Variants in AUTS2 observed in about 807,000 individuals in gnomAD.
AUTS2 encodes the protein activator of transcription and developmental regulator AUTS2.
In AUTS2, 17 loss-of-function variants were observed where a neutral mutation model predicts 112.4. The observed-to-expected ratio is 0.15, with a 90% confidence interval of 0.10 to 0.23. The LOEUF (loss-of-function observed/expected upper bound fraction) is 0.23, where lower values mean the gene tolerates loss of function less well. Ranked by LOEUF, AUTS2 falls within the 10% of genes least tolerant of loss-of-function variation. The pLI, the probability that AUTS2 is intolerant of heterozygous loss-of-function variation, is 1.00. For missense variants in AUTS2, 1,510 were observed against 1,701.6 expected (o/e 0.89, Z 1.98); for synonymous variants, 751 against 702.7 (o/e 1.07, Z -1.09).
intron 1 of AUTS2, among the ~76,000 whole-genome samples, chr7:69,751,031 T>G (rs747998483): frequency 2.6e-5 from 4 of 152,116 alleles, no homozygotes; most frequent in Non-Finnish European, 2.9e-5. Context: ...TTAGAAAAAT[T>G]GTACATCTTC....
intron 5 of AUTS2, among the ~76,000 whole-genome samples, chr7:70,517,658 C>A (rs1268597460): frequency 6.7e-6 from 1 of 149,784 alleles, no homozygotes; most frequent in African/African-American, 2.4e-5. Flanking sequence ...ATAATTTGCC[C>A]AGAAACAATT....
intron 4 of AUTS2, among the ~76,000 whole-genome samples, chr7:70,242,090 G>C (rs17672652): frequency 6.6e-6 from 1 of 152,110 alleles, no homozygotes; most frequent in South Asian, 2.1e-4. Context: ...GCCTTAGGGA[G>C]GGAAGTCTTA....
chr7:69,849,278 C>A (rs942814094), intron 1 of AUTS2, among the ~76,000 whole-genome samples: 2 of 152,160 alleles, frequency 1.3e-5, no homozygotes, highest in African/African-American at 4.8e-5. Context: ...TTTTTAAAAT[C>A]TATTACTTTA....
At chr7:69,723,511 T>G (rs961089117) in intron 1 of AUTS2, among the ~76,000 whole-genome samples, 15 of 152,136 alleles carry the variant, frequency 9.9e-5, no homozygotes, top group African/African-American at 3.1e-4. Flanking sequence ...ATTTGTTAGA[T>G]GATGATAATT....
chr7:70,083,152 T>C (rs934745858), intron 2 of AUTS2, among the ~76,000 whole-genome samples: 2 of 152,182 alleles, frequency 1.3e-5, no homozygotes, highest in Non-Finnish European at 2.9e-5. Flanking sequence ...TTTTTCTTGA[T>C]ACTTTGTGGA....
chr7:70,548,146 C>T (rs1419649782), intron 5 of AUTS2, among the ~76,000 whole-genome samples: 2 of 152,184 alleles, frequency 1.3e-5, no homozygotes, highest in African/African-American at 2.4e-5. Flanking sequence ...TTTCTACCCG[C>T]ACCCCATCCC....
At chr7:70,238,153 T>A (rs780306632) in intron 4 of AUTS2, among the ~76,000 whole-genome samples, 35 of 152,208 alleles carry the variant, frequency 2.3e-4, no homozygotes, top group Non-Finnish European at 4.4e-4. Flanking sequence ...TTTGCAACAT[T>A]CAAAGACTAA....
intron 3 of AUTS2, 141 bp from the exon 4 acceptor site, chr7:70,134,395 G>A (rs1182991607): frequency 5.9e-6 from 4 of 683,520 alleles, no homozygotes; most frequent in African/African-American, 5.4e-5. Context: ...TGTATCAGTA[G>A]CAGATGACAA....
chr7:69,933,384 C>T (rs1479576874), intron 2 of AUTS2, among the ~76,000 whole-genome samples: 1 of 152,174 alleles, frequency 6.6e-6, no homozygotes, highest in Non-Finnish European at 1.5e-5. Context: ...TCAGAGATTT[C>T]ATATTCACAA....
intron 6 of AUTS2, among the ~76,000 whole-genome samples, chr7:70,743,296 C>G (rs1788228948): frequency 6.6e-6 from 1 of 151,914 alleles, no homozygotes; most frequent in African/African-American, 2.4e-5. Context: ...GATGAAACCC[C>G]ATCTCTACCA....
intron 4 of AUTS2, among the ~76,000 whole-genome samples, chr7:70,353,557 G>A (rs1483122802): frequency 6.6e-6 from 1 of 152,118 alleles, no homozygotes; most frequent in African/African-American, 2.4e-5. Context: ...TGTCTAACTT[G>A]ATCCGATCTT....
intron 2 of AUTS2, among the ~76,000 whole-genome samples, chr7:70,073,483 C>T (rs1284249767): frequency 6.7e-6 from 1 of 149,318 alleles, no homozygotes; most frequent in East Asian, 2.0e-4. Context: ...TGCACTCCAG[C>T]CTGGGTGACA....
At chr7:70,351,052 C>CTTT (rs34943340) in intron 4 of AUTS2, among the ~76,000 whole-genome samples, 5 of 134,958 alleles carry the variant, frequency 3.7e-5, no homozygotes, top group South Asian at 2.4e-4. Flanking sequence ...TTGTCTTCTT[C>CTTT]TTTTTTTTTT....
chr7:70,686,672 A>T (rs1031673009), intron 5 of AUTS2, among the ~76,000 whole-genome samples: 20 of 151,812 alleles, frequency 1.3e-4, no homozygotes, highest in Non-Finnish European at 2.8e-4. Flanking sequence ...AGCTGGGATT[A>T]TAGGCACCTG....
At chr7:69,772,377 G>A (rs1219379058) in intron 1 of AUTS2, among the ~76,000 whole-genome samples, 1 of 152,216 alleles carries the variant, frequency 6.6e-6, no homozygotes, top group Non-Finnish European at 1.5e-5. Flanking sequence ...TGCCAAGTAT[G>A]TTATAAACAA....
chr7:70,016,734 C>A (rs1800047484), intron 2 of AUTS2, among the ~76,000 whole-genome samples: 2 of 149,912 alleles, frequency 1.3e-5, no homozygotes, highest in Non-Finnish European at 2.9e-5. Context: ...GTAGCTCGAT[C>A]TCAGCTTACT....
chr7:70,311,748 G>A (rs562322174), intron 4 of AUTS2, among the ~76,000 whole-genome samples: 12 of 151,834 alleles, frequency 7.9e-5, no homozygotes, highest in South Asian at 4.2e-4. Context: ...ACGGAGTCTC[G>A]CTCTGTTGCC....
chr7:70,420,269 A>G (rs1413718763), intron 4 of AUTS2, among the ~76,000 whole-genome samples: 1 of 152,192 alleles, frequency 6.6e-6, no homozygotes, highest in East Asian at 1.9e-4. Flanking sequence ...TTTGCTCTGA[A>G]AGTCCCATTG....
chr7:70,768,204 A>G, intron 10 of AUTS2, 136 bp downstream of exon 10: 1 of 817,672 alleles, frequency 1.2e-6, no homozygotes, highest in Admixed American at 2.8e-5. Flanking sequence ...GCCACTTTGG[A>G]TGCTTGCTTT....
Sources: gnomAD v4.1 joint callset for allele counts (sites outside exome capture counted in the v4.1 genomes callset) on GRCh38, gnomAD v4.1.1 for gene constraint, MANE v1.5 for transcripts, NCBI Gene and HGNC (gene_info 2026-07-23, HGNC 2026-07-21) for gene names.